CD200R1L: variants seen among roughly 807,000 people sequenced by gnomAD.
CD200R1L encodes the protein cell surface glycoprotein CD200 receptor 2.
In CD200R1L, 14 loss-of-function variants were observed where a neutral mutation model predicts 24.8. The ratio of observed to expected loss-of-function variants is 0.56; its 90% confidence interval spans 0.37 to 0.88. The LOEUF is 0.88. Among genes scored for constraint, CD200R1L ranks in the 40% least tolerant of loss-of-function variants. CD200R1L has a pLI of 0.00. For synonymous variants in CD200R1L, 111 were observed against 109.2 expected, an observed-to-expected ratio of 1.02 and a Z score of -0.11; for missense variants, 299 against 297.8, an observed-to-expected ratio of 1.00 and a Z score of -0.03.
chr3:112,825,182 T>G (rs1031223993), intron 6 of CD200R1L, among the ~76,000 whole-genome samples: 1 of 150,270 alleles, frequency 6.7e-6, no homozygotes, highest in East Asian at 2.0e-4. Flanking sequence ...GAGCTTGCAG[T>G]GAGCCGAGAT....
chr3:112,846,137 C>G (rs1939197978), intron 1 of CD200R1L, among the ~76,000 whole-genome samples, 187 bp from the exon 2 acceptor site: 2 of 152,186 alleles, frequency 1.3e-5, no homozygotes, highest in African/African-American at 2.4e-5. Context: ...ATGCGCTTAT[C>G]TAATTACTTC....
chr3:112,829,296 C>G, intron 4 of CD200R1L, 23 bp downstream of exon 4: 1 of 1,594,536 alleles, frequency 6.3e-7, no homozygotes, highest in East Asian at 2.2e-5. Flanking sequence ...TCAGTGCTGG[C>G]CACTACTAAG....
chr3:112,832,474 C>A (rs1938824385), intron 3 of CD200R1L, among the ~76,000 whole-genome samples: 1 of 152,058 alleles, frequency 6.6e-6, no homozygotes, highest in South Asian at 2.1e-4. Context: ...ATCCCCCAAA[C>A]CACCCCCCTT....
chr3:112,838,485 C>CAAAAAA (rs142677700), intron 2 of CD200R1L, among the ~76,000 whole-genome samples: 1 of 123,798 alleles, frequency 8.1e-6, no homozygotes. Context: ...AACAAACAAA[C>CAAAAAA]AAACAAAAAA....
At chr3:112,822,847 T>G (rs1938569021) in intron 6 of CD200R1L, among the ~76,000 whole-genome samples, 1 of 152,188 alleles carries the variant, frequency 6.6e-6, no homozygotes, top group Non-Finnish European at 1.5e-5. Context: ...TACATTAGCC[T>G]TTTTCCTTGC....
At position 112,827,474 on chromosome 3, in the gene CD200R1L, G is replaced by A. The variant is rs369844409; in HGVS notation, c.260C>T (p.Ser87Leu). ...GTCCACCGGACGAATCTGAAGGTCC[G>A]AATTCTGATCAGGTCTAGAGACCCA... ...ITWVSRPDQNSDLQIRPVDTT... is the reference protein window; with the variant it reads ...ITWVSRPDQNLDLQIRPVDTT... Residue 87 changes from serine to leucine, a missense_variant, in exon 5 of 8, where the codon TCG (serine) becomes TTG (leucine). Coordinates refer to ENST00000488794, the MANE Select transcript of CD200R1L (RefSeq NM_001199215.3). 32 of 1,614,070 alleles carry A rather than the reference G, an allele frequency of 2.0e-5. 1 individual carries two copies. Among genetic ancestry groups the A allele is most frequent in the East Asian group, 4.5e-5 (2 of 44,892 alleles).
intron 7 of CD200R1L, among the ~76,000 whole-genome samples, chr3:112,816,777 G>A (rs1318704635): frequency 6.6e-6 from 1 of 152,140 alleles, no homozygotes; most frequent in Non-Finnish European, 1.5e-5. Context: ...ATATGGGAGG[G>A]ACCTGGTGAG....
At chr3:112,825,053 C>T (rs1410212716) in intron 6 of CD200R1L, among the ~76,000 whole-genome samples, 5 of 151,916 alleles carry the variant, frequency 3.3e-5, no homozygotes, top group African/African-American at 7.3e-5. Context: ...CTGGCTAACA[C>T]GGTGAAACCC....
intron 6 of CD200R1L, among the ~76,000 whole-genome samples, chr3:112,825,983 G>A (rs1351771252): frequency 6.6e-6 from 1 of 152,102 alleles, no homozygotes; most frequent in Non-Finnish European, 1.5e-5. Context: ...CCTTTTGGGG[G>A]TGATAAATAT....
intron 6 of CD200R1L, among the ~76,000 whole-genome samples, chr3:112,820,707 C>T (rs1026626719): frequency 6.6e-6 from 1 of 151,588 alleles, no homozygotes; most frequent in Non-Finnish European, 1.5e-5. Flanking sequence ...CTGGGATTAC[C>T]GGCATGAGCC....
rs1939187479 is a variant in CD200R1L, at chr3:112,845,745, G to A, written c.-153C>T. The A allele has an allele frequency of 6.2e-7, 1 of 1,607,338 alleles. No individual in the cohort carries two copies. The highest frequency in any genetic ancestry group is 8.5e-7 in the Non-Finnish European group (1 of 1,175,068). On this transcript the variant is annotated 5_prime_UTR_variant, in exon 2 of 8. Transcript: ENST00000488794. Reference sequence around the variant, plus strand: ...GACATCTTCCCTAAAGTATGCTTTTGGAGTGGTTTTCTACTTAAACATAAA... The same window carrying A: ...GACATCTTCCCTAAAGTATGCTTTTAGAGTGGTTTTCTACTTAAACATAAA...
At chr3:112,817,177 A>T (rs1678202395) in intron 7 of CD200R1L, among the ~76,000 whole-genome samples, 1 of 152,080 alleles carries the variant, frequency 6.6e-6, no homozygotes, top group South Asian at 2.1e-4. Context: ...AGGGAATTAT[A>T]ATAAAAAAGA....
rs752177001 is a variant in CD200R1L, at chr3:112,819,755, C to T, written c.740+17G>A. Reference sequence around the variant, plus strand: ...TTTTTCTACTGTGTCTTATGCTTTTCAGTCTTCAGTTCCTACCTGACATGA... The same window carrying T: ...TTTTTCTACTGTGTCTTATGCTTTTTAGTCTTCAGTTCCTACCTGACATGA... On this transcript the variant is annotated intron_variant, in intron 7 of 7. Transcript: ENST00000488794. 1.3e-6 allele frequency: 2 copies of T among 1,579,882 alleles called. No homozygotes were observed. Among genetic ancestry groups the T allele is most frequent in the Admixed American group, 2.0e-5 (1 of 50,378 alleles).
rs1034230836 is a variant in CD200R1L, at chr3:112,820,777, G to A, written c.617-882C>T. ...TTATCCTATGAAATTGACCACCTAG[G>A]CAGGGTGTGGTGGCTCACACCTGTA... On this transcript the variant is annotated intron_variant, in intron 6 of 7. Coordinates refer to ENST00000488794, the MANE Select transcript of CD200R1L (RefSeq NM_001199215.3). 3.3e-5 allele frequency among the ~76,000 whole-genome samples: 5 copies of A among 151,742 alleles called. No homozygotes were observed. In the East Asian group the frequency reaches 9.8e-4, roughly 30 times the overall value.
chr3:112,845,953 G>A lies in CD200R1L; in HGVS notation c.-358-3C>T. The A allele has an allele frequency of 1.9e-6, 1 of 513,150 alleles. No homozygotes were observed. The highest frequency in any genetic ancestry group is 3.2e-5 in the East Asian group (1 of 31,158). The allele number at this position is 513,150 out of a possible 1,614,324, so 31.8% of individuals were successfully genotyped here. On this transcript the variant is annotated splice_region_variant and splice_polypyrimidine_tract_variant and intron_variant, in intron 1 of 7. Transcript: ENST00000488794. ...ATGGGAAATGTCAGTGAGTTTTGCT[G>A]TGTAATAAAGCAAAAAAGCCAATGC... is the stretch of plus-strand genomic sequence containing the variant.
In CD200R1L at chr3:112,820,066, G is replaced by A. The variant is rs146998511; in HGVS notation, c.617-171C>T. Among the ~76,000 whole-genome samples, 20 of 152,234 alleles carry A rather than the reference G, an allele frequency of 1.3e-4. No homozygotes were observed. In the Middle Eastern group the frequency reaches 0.027, roughly 207 times the overall value. On this transcript the variant is annotated intron_variant, in intron 6 of 7. Transcript: ENST00000488794. ...TGTTACTAATATACCATTCTTTCAT[G>A]ACAGAGTTTAGGAACCATGTTTGTG...
Position 112,819,821 on chromosome 3 carries a change from T to G in CD200R1L, c.691A>C (p.Ile231Leu). 1 of 1,611,842 alleles carries G rather than the reference T, an allele frequency of 6.2e-7. No homozygotes were observed. The highest frequency in any genetic ancestry group is 2.2e-5 in the East Asian group (1 of 44,700). Residue 231 changes from isoleucine (I) to leucine (L), a missense_variant, in exon 7 of 8, where the codon ATT becomes CTT. Transcript: ENST00000488794. The part of the protein sequence containing the change: ...LYVKLSLFVV[I>L]LVTTGFVFFQ... ...AAAACAAATCCTGTGGTGACCAGAA[T>G]GACCACAAAAAGAGAGAGTTTCACA...
At chr3:112,821,866 G>C (rs1231083985) in intron 6 of CD200R1L, among the ~76,000 whole-genome samples, 1 of 152,224 alleles carries the variant, frequency 6.6e-6, no homozygotes. Flanking sequence ...TCAGGGAGAA[G>C]CAGGACTTGA....
intron 7 of CD200R1L, among the ~76,000 whole-genome samples, chr3:112,819,283 A>G (rs1938475213): frequency 6.6e-6 from 1 of 152,220 alleles, no homozygotes; most frequent in Non-Finnish European, 1.5e-5. Flanking sequence ...TCAAGTCGCA[A>G]AAGAAGTTAA....
Sources: gnomAD v4.1 joint callset for allele counts (sites outside exome capture counted in the v4.1 genomes callset) on GRCh38, gnomAD v4.1.1 for gene constraint, MANE v1.5 for transcripts, NCBI Gene and HGNC (gene_info 2026-07-23, HGNC 2026-07-21) for gene names.